Variants in SLC6A6 observed in about 807,000 individuals in gnomAD.
The protein encoded by SLC6A6 is solute carrier family 6 member 6.
In SLC6A6, 16 loss-of-function variants were observed where a neutral mutation model predicts 68.8. The observed-to-expected ratio is 0.23, with a 90% CI of 0.16 to 0.35. The LOEUF is 0.35. Among genes scored for constraint, SLC6A6 ranks in the 10% least tolerant of loss-of-function variants. The probability of loss-of-function intolerance (pLI) is 1.00; values close to 1 mark genes in which losing one functional copy is unlikely to be tolerated. For synonymous variants in SLC6A6, 312 were observed against 315.4 expected (o/e 0.99, Z 0.12); for missense variants, 474 against 802.8 (o/e 0.59, Z 4.95).
At chr3:14,408,936 A>G (rs1699171565) in intron 1 of SLC6A6, among the ~76,000 whole-genome samples, 1 of 152,022 alleles carries the variant, frequency 6.6e-6, no homozygotes. Flanking sequence ...CCTCCCAAGT[A>G]GCTGGGACTA....
rs1701153125 is a variant in SLC6A6 at position 14,486,085 on chromosome 3, C to T, written c.*1078C>T. The stretch of plus-strand genomic sequence containing the variant: ...CCTGCAGGAATGAAGCATGACATAC[C>T]TGTTGAGGGACTAGGGGAGTGGTGG... On this transcript the variant is annotated 3_prime_UTR_variant, in exon 15 of 15. Transcript: ENST00000622186. 6.5e-6 allele frequency: 1 copy of T among 152,704 alleles called. No homozygotes were observed. 9.5% of individuals were successfully genotyped at this position (152,704 alleles called of 1,614,324 possible).
intron 3 of SLC6A6, among the ~76,000 whole-genome samples, chr3:14,445,263 A>C (rs577994220): frequency 1.7e-3 from 250 of 151,210 alleles, no homozygotes; most frequent in Middle Eastern, 3.4e-3. Flanking sequence ...TCTACTAAAA[A>C]ACAAAAAATT....
chr3:14,451,255 T>C (rs1700245407), intron 5 of SLC6A6, among the ~76,000 whole-genome samples: 1 of 152,232 alleles, frequency 6.6e-6, no homozygotes, highest in Non-Finnish European at 1.5e-5. Flanking sequence ...CCTCATTAGT[T>C]CCATGTCTTC....
At chr3:14,418,330 G>T (rs562432314) in intron 2 of SLC6A6, among the ~76,000 whole-genome samples, 1 of 152,164 alleles carries the variant, frequency 6.6e-6, no homozygotes, top group African/African-American at 2.4e-5. Context: ...CTAGGCAAGC[G>T]TTTGTTTGTG....
Position 14,447,730 on chromosome 3 carries a change from C to T in SLC6A6, c.513C>T (p.Cys171=). The T allele has an allele frequency of 6.2e-7, 1 of 1,614,256 alleles. No individual in the cohort carries two copies. The highest frequency in any genetic ancestry group is 2.2e-5 in the East Asian group (1 of 44,894). The part of the protein sequence containing the change: ...HCNHSWNTPH[C]MEDTMRKNKS... ...ACCACAGCTGGAACACACCTCACTG[C>T]ATGGAGGACACCATGCGCAAGAACA... is the stretch of plus-strand genomic sequence containing the variant. The change falls in exon 5 of 15, where the codon TGC becomes TGT. Residue 171 remains cysteine (C), a synonymous_variant. Coordinates refer to ENST00000622186, the MANE Select transcript of SLC6A6 (RefSeq NM_003043.6).
Position 14,443,859 on chromosome 3 carries a change from T to C in SLC6A6, c.225T>C (p.Gly75=). 6.2e-7 allele frequency: 1 copy of C among 1,609,764 alleles called. No homozygotes were observed. The highest frequency in any genetic ancestry group is 8.5e-7 in the Non-Finnish European group (1 of 1,176,132). The change falls in exon 3 of 15, where the codon GGT becomes GGC. Residue 75 remains glycine, a synonymous_variant. Coordinates refer to ENST00000622186, the MANE Select transcript of SLC6A6 (RefSeq NM_003043.6). ...WRFPYLCYKN[G]GGAFLIPYFI... ...TCCCGTACCTCTGCTACAAGAATGG[T>C]GGAGGTGAGCTTGGGCCGGGCCACA...
chr3:14,473,166 G>A (rs1049872017), intron 10 of SLC6A6, among the ~76,000 whole-genome samples: 1 of 152,200 alleles, frequency 6.6e-6, no homozygotes, highest in Non-Finnish European at 1.5e-5. Context: ...CAATTCACTT[G>A]AGCTCCTGGG....
intron 1 of SLC6A6, among the ~76,000 whole-genome samples, chr3:14,407,012 G>T (rs191338875): frequency 6.6e-6 from 1 of 151,528 alleles, no homozygotes; most frequent in African/African-American, 2.4e-5. Context: ...GAACCTCCAG[G>T]GGGATGGAGC....
At chr3:14,440,744 T>C (rs1439385112) in intron 2 of SLC6A6, among the ~76,000 whole-genome samples, 1 of 152,134 alleles carries the variant, frequency 6.6e-6, no homozygotes, top group Non-Finnish European at 1.5e-5. Flanking sequence ...GCCAGGAATG[T>C]ACAGGCGGGT....
intron 5 of SLC6A6, among the ~76,000 whole-genome samples, chr3:14,453,078 G>A (rs548047278): frequency 2.0e-5 from 3 of 152,364 alleles, no homozygotes; most frequent in South Asian, 4.1e-4. Context: ...GCACGGCCCC[G>A]TGCTCTGGGC....
At chr3:14,452,300 C>G (rs1700270451) in intron 5 of SLC6A6, among the ~76,000 whole-genome samples, 3 of 152,218 alleles carry the variant, frequency 2.0e-5, no homozygotes, top group Non-Finnish European at 4.4e-5. Flanking sequence ...CCTCTGTAAA[C>G]AGAAGTAGCG....
At chr3:14,463,919 G>A (rs1700554924) in intron 6 of SLC6A6, among the ~76,000 whole-genome samples, 1 of 152,192 alleles carries the variant, frequency 6.6e-6, no homozygotes, top group African/African-American at 2.4e-5. Context: ...CGCAGGCCAG[G>A]GGCCATCGAG....
rs1452894355 is a variant in SLC6A6, at chr3:14,487,992, G to A, written c.*2985G>A. The A allele has an allele frequency of 6.6e-6, 1 of 152,670 alleles. No homozygotes were observed. Among genetic ancestry groups the A allele is most frequent in the Non-Finnish European group, 1.5e-5 (1 of 68,106 alleles). The allele number at this position is 152,670 out of a possible 1,614,324, so 9.5% of individuals were successfully genotyped here. ...ATCCTCACAGAATTCCTGGACCCAT[G>A]CGGTGGCTCCGTGAGCTGGGTGACT... is the stretch of plus-strand genomic sequence containing the variant. On this transcript the variant is annotated 3_prime_UTR_variant, in exon 15 of 15. Transcript: ENST00000622186.
chr3:14,466,500 C>T lies in SLC6A6; in HGVS notation c.733-16C>T. 1.2e-6 allele frequency: 2 copies of T among 1,605,886 alleles called. No individual in the cohort carries two copies. Among genetic ancestry groups the T allele is most frequent in the Non-Finnish European group, 1.7e-6 (2 of 1,174,736 alleles). ...AGTGATGCCCATGGCCTCCTGAATC[C>T]CTCTCGCCCTTGCAGGTCGTCTACT... On this transcript the variant is annotated splice_polypyrimidine_tract_variant and intron_variant, in intron 6 of 14. Coordinates refer to ENST00000622186, the MANE Select transcript of SLC6A6 (RefSeq NM_003043.6).
At chr3:14,419,374 C>A (rs1699436962) in intron 2 of SLC6A6, among the ~76,000 whole-genome samples, 1 of 152,204 alleles carries the variant, frequency 6.6e-6, no homozygotes, top group Admixed American at 6.5e-5. Flanking sequence ...AGGGCTCTGA[C>A]CTTCAGGTTC....
chr3:14,475,909 C>T (rs1700869036), intron 10 of SLC6A6, among the ~76,000 whole-genome samples: 1 of 152,196 alleles, frequency 6.6e-6, no homozygotes, highest in Admixed American at 6.5e-5. Flanking sequence ...CTCATCTCTC[C>T]AGCCCTTGTC....
At chr3:14,463,511 G>C (rs747853019) in intron 6 of SLC6A6, among the ~76,000 whole-genome samples, 1 of 152,222 alleles carries the variant, frequency 6.6e-6, no homozygotes, top group Admixed American at 6.5e-5. Context: ...CTTTGAAGTG[G>C]CCGCCCTCTG....
chr3:14,427,909 C>G (rs972896622), intron 2 of SLC6A6, among the ~76,000 whole-genome samples: 1 of 152,202 alleles, frequency 6.6e-6, no homozygotes, highest in African/African-American at 2.4e-5. Flanking sequence ...GCCACCATCC[C>G]AAGGGCCAGA....
Position 14,485,413 on chromosome 3 carries a change from A to T in SLC6A6, c.*406A>T, listed in dbSNP as rs1701132024. On this transcript the variant is annotated 3_prime_UTR_variant, in exon 15 of 15. Coordinates refer to ENST00000622186, the MANE Select transcript of SLC6A6 (RefSeq NM_003043.6). Reference sequence around the variant, plus strand: ...CTTGCCAGCAATAGATCTCATTTTCAAAAGCAATTCTTCGGTGCTGTGTAG... The same window carrying T: ...CTTGCCAGCAATAGATCTCATTTTCTAAAGCAATTCTTCGGTGCTGTGTAG... The T allele has an allele frequency of 6.4e-6, 1 of 156,446 alleles. No individual in the cohort carries two copies. Among genetic ancestry groups the T allele is most frequent in the African/African-American group, 2.4e-5 (1 of 41,452 alleles). 9.7% of individuals were successfully genotyped at this position (156,446 alleles called of 1,614,324 possible). A position where few individuals can be genotyped will look rare whatever the true frequency, so the allele number is the denominator to read the frequency against.
Sources: gnomAD v4.1 joint callset for allele counts (sites outside exome capture counted in the v4.1 genomes callset) on GRCh38, gnomAD v4.1.1 for gene constraint, MANE v1.5 for transcripts, NCBI Gene and HGNC (gene_info 2026-07-23, HGNC 2026-07-21) for gene names.